Variants in CHRM3 observed in about 807,000 individuals in gnomAD.
CHRM3 encodes the protein muscarinic acetylcholine receptor M3.
A neutral mutation model predicts 41.8 loss-of-function variants in CHRM3; 11 were observed. The ratio of observed to expected loss-of-function variants is 0.26; its 90% CI spans 0.17 to 0.44. CHRM3 has a LOEUF of 0.44. CHRM3 is among the 20% of genes least tolerant of loss of function. CHRM3 has a pLI of 1.00. For missense variants in CHRM3, 571 were observed against 745.4 expected (o/e 0.77, Z 2.72); for synonymous variants, 297 against 301.4 (o/e 0.99, Z 0.15).
chr1:239,526,771 C>A (rs576734633), intron 2 of CHRM3, among the ~76,000 whole-genome samples: 26 of 152,286 alleles, frequency 1.7e-4, no homozygotes, highest in Admixed American at 3.3e-4. Flanking sequence ...ATATCAGTAA[C>A]CACATTAATA....
chr1:239,447,780 AAAACAAAC>A (rs146664777), intron 1 of CHRM3, among the ~76,000 whole-genome samples: 1 of 152,002 alleles, frequency 6.6e-6, no homozygotes, highest in Non-Finnish European at 1.5e-5. Flanking sequence ...CTGTCTCAAA[AAAACAAAC>A]AAACAAACAA....
chr1:239,708,252 T>A (rs1166672917), intron 5 of CHRM3, among the ~76,000 whole-genome samples: 1 of 152,206 alleles, frequency 6.6e-6, no homozygotes, highest in Non-Finnish European at 1.5e-5. Context: ...TCTTTCATGC[T>A]CCCAGTTGGA....
At chr1:239,821,393 T>C (rs1283779101) in intron 5 of CHRM3, among the ~76,000 whole-genome samples, 1 of 152,208 alleles carries the variant, frequency 6.6e-6, no homozygotes, top group Non-Finnish European at 1.5e-5. Context: ...CACCTTGCTT[T>C]CTTTACTTTG....
At chr1:239,878,594 AT>A (rs950202226) in intron 6 of CHRM3, among the ~76,000 whole-genome samples, 19 of 150,492 alleles carry the variant, frequency 1.3e-4, no homozygotes, top group African/African-American at 4.5e-4. Flanking sequence ...TCTTCTCAGT[AT>A]TTTAAATTTT....
At chr1:239,808,539 G>A (rs955139442) in intron 5 of CHRM3, among the ~76,000 whole-genome samples, 7 of 152,096 alleles carry the variant, frequency 4.6e-5, no homozygotes, top group East Asian at 3.9e-4. Flanking sequence ...CAAATCTAAC[G>A]GAATAAAGAT....
chr1:239,545,981 G>A (rs1358876015), intron 3 of CHRM3: 1 of 152,032 alleles, frequency 6.6e-6, no homozygotes, highest in Non-Finnish European at 1.5e-5. Flanking sequence ...TACCTATATA[G>A]GCAGAATTTA....
chr1:239,575,574 A>C (rs2148558819), intron 3 of CHRM3, among the ~76,000 whole-genome samples: 1 of 152,258 alleles, frequency 6.6e-6, no homozygotes, highest in Admixed American at 6.5e-5. Flanking sequence ...CTGTGCTAAA[A>C]TACGACTCCA....
At chr1:239,526,995 T>G (rs1255356299) in intron 2 of CHRM3, among the ~76,000 whole-genome samples, 1 of 152,100 alleles carries the variant, frequency 6.6e-6, no homozygotes, top group Non-Finnish European at 1.5e-5. Flanking sequence ...TAGTGGTGCA[T>G]GCCTGTGGTC....
chr1:239,390,085 G>A (rs1658892793), intron 1 of CHRM3, among the ~76,000 whole-genome samples: 1 of 152,148 alleles, frequency 6.6e-6, no homozygotes, highest in Admixed American at 6.5e-5. Context: ...AACTAGAGAT[G>A]TTGTCTTTTA....
chr1:239,459,020 C>A (rs1267888078), intron 1 of CHRM3, among the ~76,000 whole-genome samples: 2 of 152,100 alleles, frequency 1.3e-5, no homozygotes, highest in East Asian at 3.9e-4. Flanking sequence ...GAATTATGTT[C>A]ACTGTAGTTA....
At chr1:239,405,699 G>A (rs868477912) in intron 1 of CHRM3, among the ~76,000 whole-genome samples, 9 of 152,154 alleles carry the variant, frequency 5.9e-5, no homozygotes, top group Middle Eastern at 3.4e-3. Flanking sequence ...TCCAATGAGC[G>A]GGTCAAGTTT....
At chr1:239,709,889 A>G (rs1291056476) in intron 5 of CHRM3, among the ~76,000 whole-genome samples, 1 of 152,222 alleles carries the variant, frequency 6.6e-6, no homozygotes, top group African/African-American at 2.4e-5. Context: ...ATCAAAATGT[A>G]AAATAATATC....
At chr1:239,905,173 C>T (rs1679873911) in intron 6 of CHRM3, among the ~76,000 whole-genome samples, 1 of 152,156 alleles carries the variant, frequency 6.6e-6, no homozygotes, top group Non-Finnish European at 1.5e-5. Context: ...ACATCAATTC[C>T]ACCTTAAGGA....
Position 239,525,762 on chromosome 1 carries a change from C to T in CHRM3, c.-421-19879C>T, listed in dbSNP as rs116240914. Among the ~76,000 whole-genome samples, 610 of 152,280 alleles carry T rather than the reference C, an allele frequency of 4.0e-3. 4 individuals are homozygous for T. The highest frequency in any genetic ancestry group is 0.014 in the African/African-American group (594 of 41,570). On this transcript the variant is annotated intron_variant, in intron 2 of 6. Coordinates refer to ENST00000676153, the MANE Select transcript of CHRM3 (RefSeq NM_001375978.1). ...GCAGTGATGCATTTTTTCCACAGGA[C>T]AGTTTTCTTTTTTATTGTTATTTGG...
intron 5 of CHRM3, among the ~76,000 whole-genome samples, chr1:239,762,567 C>T (rs1666885575): frequency 6.6e-6 from 1 of 152,134 alleles, no homozygotes; most frequent in Non-Finnish European, 1.5e-5. Context: ...CAGATAAATA[C>T]ATCTGCCTAT....
chr1:239,494,676 T>C (rs1442168009), intron 2 of CHRM3, among the ~76,000 whole-genome samples: 1 of 152,132 alleles, frequency 6.6e-6, no homozygotes, highest in Non-Finnish European at 1.5e-5. Context: ...ATGCATTAGT[T>C]CTTTTCCCTA....
chr1:239,618,853 A>G (rs1668029639), intron 3 of CHRM3, among the ~76,000 whole-genome samples: 1 of 150,876 alleles, frequency 6.6e-6, no homozygotes, highest in Admixed American at 6.6e-5. Context: ...GAAAAAAAAA[A>G]AAAAAAAAGT....
Position 239,387,302 on chromosome 1 carries a change from T to C in CHRM3, c.-521+75T>C, listed in dbSNP as rs1245233431. On this transcript the variant is annotated intron_variant, in intron 1 of 6. Transcript: ENST00000676153. This position sits in a 1 kb window ranked among gnomAD's most constrained non-coding sequence, Gnocchi z 5.1. ...GCGGCTGACCTGGTTTCTTGCCTTA[T>C]CTCGTTGCGAAAGGAGGAAAAAGTT... The C allele has an allele frequency of 1.3e-5, 2 of 151,286 alleles. No homozygotes were observed. The highest frequency in any genetic ancestry group is 2.9e-5 in the Non-Finnish European group (2 of 67,948). 9.4% of individuals were successfully genotyped at this position (151,286 alleles called of 1,614,324 possible). A position where few individuals can be genotyped will look rare whatever the true frequency, so the allele number is the denominator to read the frequency against.
At chr1:239,883,133 C>T (rs539997035) in intron 6 of CHRM3, among the ~76,000 whole-genome samples, 2 of 152,342 alleles carry the variant, frequency 1.3e-5, no homozygotes, top group East Asian at 3.9e-4. Flanking sequence ...TTTAATCACT[C>T]ACTCAGTGGG....
Sources: allele counts gnomAD v4.1 joint callset (sites outside exome capture counted in the v4.1 genomes callset), GRCh38; gene constraint gnomAD v4.1.1; non-coding constraint Gnocchi (gnomAD v3.1); transcripts MANE v1.5; gene names NCBI Gene and HGNC (gene_info 2026-07-23, HGNC 2026-07-21).